Variants in TNIK observed in about 807,000 individuals in gnomAD.
The protein encoded by TNIK is TRAF2 and NCK-interacting protein kinase.
Under a neutral mutation model 191.3 loss-of-function variants are expected in TNIK, and 49 were observed. The observed-to-expected ratio is 0.26, with a 90% CI of 0.20 to 0.32. TNIK has a LOEUF of 0.32. Ranked by LOEUF, TNIK falls within the 10% of genes least tolerant of loss-of-function variation. The pLI, the probability that TNIK is intolerant of heterozygous loss-of-function variation, is 1.00. For missense variants in TNIK, 1,155 were observed against 1,702.3 expected (o/e 0.68, Z 5.66); for synonymous variants, 594 against 600.9 (o/e 0.99, Z 0.17).
At chr3:171,321,093 T>C (rs966808782) in intron 2 of TNIK, among the ~76,000 whole-genome samples, 1 of 152,192 alleles carries the variant, frequency 6.6e-6, no homozygotes, top group African/African-American at 2.4e-5. Context: ...AAACCTTATA[T>C]AGTAATGAAC....
chr3:171,269,300 CCAGA>C (rs1362333676), intron 2 of TNIK, among the ~76,000 whole-genome samples: 2 of 152,332 alleles, frequency 1.3e-5, no homozygotes, highest in Admixed American at 1.3e-4. Context: ...ATTATACCAT[CCAGA>C]CACACAGTTG....
At chr3:171,309,341 AG>A (rs1753781543) in intron 2 of TNIK, among the ~76,000 whole-genome samples, 1 of 152,136 alleles carries the variant, frequency 6.6e-6, no homozygotes, top group Non-Finnish European at 1.5e-5. Flanking sequence ...AATAAGTGAG[AG>A]CTAAACATTG....
At chr3:171,271,399 C>A (rs1355000052) in intron 2 of TNIK, among the ~76,000 whole-genome samples, 1 of 152,216 alleles carries the variant, frequency 6.6e-6, no homozygotes, top group Non-Finnish European at 1.5e-5. Flanking sequence ...AGACAACTTT[C>A]AAACATCATT....
At chr3:171,112,196 T>C (rs1183962210) in intron 18 of TNIK, among the ~76,000 whole-genome samples, 1 of 152,236 alleles carries the variant, frequency 6.6e-6, no homozygotes, top group Non-Finnish European at 1.5e-5. Flanking sequence ...TTTTTATTTG[T>C]CAATCATACC....
chr3:171,119,116 C>G (rs914956546), intron 18 of TNIK, among the ~76,000 whole-genome samples: 1 of 152,172 alleles, frequency 6.6e-6, no homozygotes, highest in Non-Finnish European at 1.5e-5. Context: ...ACAACCCCAT[C>G]AACAAGTGGG....
At chr3:171,219,872 C>A (rs1742066799) in intron 3 of TNIK, among the ~76,000 whole-genome samples, 1 of 152,214 alleles carries the variant, frequency 6.6e-6, no homozygotes, top group African/African-American at 2.4e-5. Context: ...TACCATTTGA[C>A]CCAGCAATCC....
chr3:171,068,806 G>C (rs1345196505), intron 30 of TNIK, 42 bp downstream of exon 30: 4 of 1,580,496 alleles, frequency 2.5e-6, no homozygotes, highest in Non-Finnish European at 3.4e-6. Context: ...CATGCAGGCT[G>C]TTGTACAGAG....
intron 2 of TNIK, among the ~76,000 whole-genome samples, chr3:171,261,268 C>T (rs1017549028): frequency 4.6e-5 from 7 of 152,218 alleles, no homozygotes; most frequent in African/African-American, 1.7e-4. Context: ...TGATTGCCTT[C>T]CCTTTTTTTG....
At chr3:171,377,267 A>G (rs1717389472) in intron 1 of TNIK, among the ~76,000 whole-genome samples, 1 of 152,150 alleles carries the variant, frequency 6.6e-6, no homozygotes, top group Admixed American at 6.5e-5. Context: ...TTTGGCTTTC[A>G]TCTCTCAGAA....
At chr3:171,239,621 T>A (rs1303482357) in intron 2 of TNIK, among the ~76,000 whole-genome samples, 1 of 152,220 alleles carries the variant, frequency 6.6e-6, no homozygotes, top group African/African-American at 2.4e-5. Context: ...TCTCTCCCCC[T>A]CCAACAGATG....
chr3:171,244,612 C>A (rs1001149490), intron 2 of TNIK, among the ~76,000 whole-genome samples: 5 of 151,954 alleles, frequency 3.3e-5, no homozygotes, highest in African/African-American at 1.2e-4. Flanking sequence ...ACTATTTCTA[C>A]CATGGCTTTA....
At chr3:171,230,122 A>AAGTGCCACTGCTACAG (rs1239738117) in intron 2 of TNIK, among the ~76,000 whole-genome samples, 2 of 152,166 alleles carry the variant, frequency 1.3e-5, no homozygotes, top group African/African-American at 2.4e-5. Flanking sequence ...ATAGGGAGAG[A>AAGTGCCACTGCTACAG]AGTGCCACTG....
At chr3:171,309,138 ATGGAATCAACC>A (rs951195876) in intron 2 of TNIK, among the ~76,000 whole-genome samples, 1 of 152,032 alleles carries the variant, frequency 6.6e-6, no homozygotes, top group Non-Finnish European at 1.5e-5. Flanking sequence ...TAACAGAAAC[ATGGAATCAACC>A]TAAATGCCCA....
chr3:171,138,107 T>G, intron 15 of TNIK, 84 bp downstream of exon 15: 1 of 1,303,512 alleles, frequency 7.7e-7, no homozygotes, highest in Non-Finnish European at 1.0e-6. Flanking sequence ...TTTGCAGCAC[T>G]GGGTTAACTC....
intron 1 of TNIK, among the ~76,000 whole-genome samples, chr3:171,418,780 A>G (rs968096724): frequency 2.6e-5 from 4 of 152,196 alleles, no homozygotes; most frequent in Admixed American, 2.6e-4. Context: ...ATTCAGCCAT[A>G]AAAAATAATA....
chr3:171,352,624 C>T (rs997451097), intron 2 of TNIK, among the ~76,000 whole-genome samples: 1 of 151,992 alleles, frequency 6.6e-6, no homozygotes, highest in African/African-American at 2.4e-5. Flanking sequence ...ATGCAGGAAC[C>T]CTATTTAAGT....
At chr3:171,399,547 A>G (rs1435436025) in intron 1 of TNIK, among the ~76,000 whole-genome samples, 1 of 152,264 alleles carries the variant, frequency 6.6e-6, no homozygotes, top group Non-Finnish European at 1.5e-5. Context: ...ATGTTAAACA[A>G]CAGAGACCTA....
At position 171,459,225 on chromosome 3, in the gene TNIK, G is replaced by GACAC. The variant is rs10656785; in HGVS notation, c.57+778_57+781dup. ...CACAGACACGGGGAAAACACACACA[G>GACAC]ACACACACACACACACACTCGCACA... is the stretch of plus-strand genomic sequence containing the variant. On this transcript the variant is annotated intron_variant, in intron 1 of 32. Transcript: ENST00000436636. 4.7e-4 allele frequency among the ~76,000 whole-genome samples: 70 copies of GACAC among 150,494 alleles called. No individual in the cohort carries two copies. In the East Asian group the frequency reaches 6.7e-3, roughly 14 times the overall value.
intron 22 of TNIK, among the ~76,000 whole-genome samples, chr3:171,098,182 T>G (rs1354671475): frequency 6.6e-6 from 1 of 152,134 alleles, no homozygotes; most frequent in Non-Finnish European, 1.5e-5. Flanking sequence ...TACTGGAGCA[T>G]TTGCTGGTAT....
Sources: gnomAD v4.1 joint callset for allele counts (sites outside exome capture counted in the v4.1 genomes callset) on GRCh38, gnomAD v4.1.1 for gene constraint, MANE v1.5 for transcripts, NCBI Gene and HGNC (gene_info 2026-07-23, HGNC 2026-07-21) for gene names.